DYNC1I1: variants seen among roughly 807,000 people sequenced by gnomAD.
The protein encoded by DYNC1I1 is cytoplasmic dynein 1 intermediate chain 1.
Under a neutral mutation model 86.6 loss-of-function variants are expected in DYNC1I1, and 43 were observed. The observed-to-expected ratio is 0.50, with a 90% CI of 0.39 to 0.64. The LOEUF is 0.64. DYNC1I1 is among the 30% of genes least tolerant of loss of function. DYNC1I1 has a pLI of 0.00. For synonymous variants in DYNC1I1, 262 were observed against 283.7 expected (o/e 0.92, Z 0.77); for missense variants, 604 against 788.8 (o/e 0.77, Z 2.81).
intron 1 of DYNC1I1, among the ~76,000 whole-genome samples, chr7:95,800,136 T>C (rs1794543036): frequency 6.7e-6 from 1 of 150,022 alleles, no homozygotes; most frequent in South Asian, 2.1e-4. Flanking sequence ...TAAGTGGAGA[T>C]GAGCTGTAGT....
chr7:95,871,213 T>A (rs1048261838), intron 6 of DYNC1I1, among the ~76,000 whole-genome samples: 6 of 152,164 alleles, frequency 3.9e-5, no homozygotes, highest in Non-Finnish European at 7.3e-5. Flanking sequence ...AGTTCTTCAG[T>A]AGCAGGGCCT....
At chr7:95,995,164 G>C (rs376290320) in intron 9 of DYNC1I1, among the ~76,000 whole-genome samples, 109 of 152,034 alleles carry the variant, frequency 7.2e-4, no homozygotes, top group Non-Finnish European at 1.0e-3. Flanking sequence ...GGAGAATGGC[G>C]TGAACCCCTG....
chr7:95,943,754 A>G (rs1455534656), intron 6 of DYNC1I1, among the ~76,000 whole-genome samples: 2 of 151,292 alleles, frequency 1.3e-5, no homozygotes, highest in Non-Finnish European at 2.9e-5. Context: ...GACAAACCTG[A>G]GAAAAACAAG....
chr7:95,911,962 G>A lies in DYNC1I1; in HGVS notation c.490+41964G>A, dbSNP rs75278979. Among the ~76,000 whole-genome samples the A allele has an allele frequency of 0.012, 1,878 of 152,280 alleles. 74 individuals are homozygous for A. In the East Asian group the frequency reaches 0.13, roughly 10 times the overall value. ...CCTAATCTGCAGGATGAATTCCCAA[G>A]CACTCAAATTTGTGAACAGGTAATC... is the stretch of plus-strand genomic sequence containing the variant. On this transcript the variant is annotated intron_variant, in intron 6 of 16. Coordinates refer to ENST00000447467, the MANE Select transcript of DYNC1I1 (RefSeq NM_001135556.2).
chr7:95,873,023 G>A (rs1584114343), intron 6 of DYNC1I1, among the ~76,000 whole-genome samples: 1 of 152,208 alleles, frequency 6.6e-6, no homozygotes, highest in Non-Finnish European at 1.5e-5. Flanking sequence ...AGTTCACTAT[G>A]TTCCCCCTGG....
At chr7:95,974,852 A>G (rs1261466103) in intron 6 of DYNC1I1, among the ~76,000 whole-genome samples, 1 of 152,200 alleles carries the variant, frequency 6.6e-6, no homozygotes, top group Non-Finnish European at 1.5e-5. Context: ...AGGCCATGCA[A>G]GTCCACCTCA....
chr7:96,051,166 C>T (rs1789394198), intron 14 of DYNC1I1, among the ~76,000 whole-genome samples: 1 of 151,932 alleles, frequency 6.6e-6, no homozygotes, highest in Non-Finnish European at 1.5e-5. Context: ...ATTAATGCAT[C>T]CAGTTTGGAA....
chr7:95,915,146 G>A (rs1791436050), intron 6 of DYNC1I1, among the ~76,000 whole-genome samples: 1 of 152,168 alleles, frequency 6.6e-6, no homozygotes, highest in South Asian at 2.1e-4. Context: ...AATTCAGAAA[G>A]CGTGACATTT....
chr7:95,876,809 G>A (rs75519854), intron 6 of DYNC1I1, among the ~76,000 whole-genome samples: 8,301 of 152,148 alleles, frequency 0.055, 529 homozygotes, highest in African/African-American at 0.15. Context: ...GTAGACACAA[G>A]AGATAGAGCA....
intron 6 of DYNC1I1, among the ~76,000 whole-genome samples, chr7:95,952,131 A>C (rs530071483): frequency 6.6e-6 from 1 of 151,738 alleles, no homozygotes; most frequent in African/African-American, 2.4e-5. Context: ...CTTATTTTCT[A>C]CCTTCCTTTT....
At chr7:96,054,038 G>A (rs1227064146) in intron 14 of DYNC1I1, among the ~76,000 whole-genome samples, 2 of 151,998 alleles carry the variant, frequency 1.3e-5, no homozygotes, top group Non-Finnish European at 2.9e-5. Flanking sequence ...TGTTACATAG[G>A]TGCCATAGGT....
chr7:95,980,508 C>T lies in DYNC1I1; in HGVS notation c.580+2907C>T, dbSNP rs78961101. Among the ~76,000 whole-genome samples the T allele has an allele frequency of 2.5e-3, 360 of 141,568 alleles. 1 individual carries two copies. Among genetic ancestry groups the T allele is most frequent in the African/African-American group, 8.9e-3 (338 of 37,980 alleles). The allele number at this position is 141,568 out of a possible 152,430, so 92.9% of individuals were successfully genotyped here. On this transcript the variant is annotated intron_variant, in intron 7 of 16. Transcript: ENST00000447467. ...GAAACTTGACATACACAGTTTCAAA[C>T]CAGGGAACACATTTTTGAGAAATCT...
chr7:96,011,081 A>C (rs1468080772), intron 10 of DYNC1I1, among the ~76,000 whole-genome samples: 1 of 152,154 alleles, frequency 6.6e-6, no homozygotes, highest in African/African-American at 2.4e-5. Context: ...CCTTTCTACC[A>C]ATTTCTTCAA....
intron 10 of DYNC1I1, among the ~76,000 whole-genome samples, chr7:96,004,679 AC>A (rs1422324175): frequency 6.9e-6 from 1 of 145,478 alleles, no homozygotes; most frequent in African/African-American, 2.6e-5. Context: ...CACACACACA[AC>A]CAAGACTCTC....
In DYNC1I1 at chr7:96,075,942, C is replaced by A. The variant is rs1182633040; in HGVS notation, c.1510-115C>A. 2.1e-6 allele frequency: 3 copies of A among 1,405,440 alleles called. No homozygotes were observed. In the East Asian group the frequency reaches 7.0e-5, roughly 33 times the overall value. 87.1% of individuals were successfully genotyped at this position (1,405,440 alleles called of 1,614,324 possible). A position where few individuals can be genotyped will look rare whatever the true frequency, so the allele number is the denominator to read the frequency against. ...TCCGGTTCACCTTCTCGAGGACTTT[C>A]ATCTCGGGAAGTTTTATGACACTTT... On this transcript the variant is annotated intron_variant, in intron 14 of 16. Transcript: ENST00000447467.
At chr7:95,914,180 G>C (rs529169040) in intron 6 of DYNC1I1, among the ~76,000 whole-genome samples, 3 of 152,188 alleles carry the variant, frequency 2.0e-5, no homozygotes, top group Non-Finnish European at 4.4e-5. Flanking sequence ...ATGACATCAT[G>C]AATCATATTA....
At chr7:95,899,668 TCA>T (rs1790982521) in intron 6 of DYNC1I1, among the ~76,000 whole-genome samples, 1 of 152,200 alleles carries the variant, frequency 6.6e-6, no homozygotes, top group African/African-American at 2.4e-5. Flanking sequence ...TAATTTAAAA[TCA>T]CAGGTAAGGA....
intron 5 of DYNC1I1, among the ~76,000 whole-genome samples, chr7:95,849,625 G>A (rs974823247): frequency 2.6e-5 from 4 of 152,134 alleles, no homozygotes; most frequent in Non-Finnish European, 4.4e-5. Context: ...CTTAAGGTTT[G>A]TAGTATATTT....
intron 1 of DYNC1I1, among the ~76,000 whole-genome samples, chr7:95,777,374 C>A (rs972354438): frequency 2.0e-5 from 3 of 152,158 alleles, no homozygotes; most frequent in Non-Finnish European, 4.4e-5. Flanking sequence ...AAACTTTATT[C>A]ACTGCAAAGA....
Sources: gnomAD v4.1 joint callset for allele counts (sites outside exome capture counted in the v4.1 genomes callset) on GRCh38, gnomAD v4.1.1 for gene constraint, MANE v1.5 for transcripts, NCBI Gene and HGNC (gene_info 2026-07-23, HGNC 2026-07-21) for gene names.